The following NRXN1 variants were observed in gnomAD, a reference collection of about 807,000 sequenced individuals.
The protein encoded by NRXN1 is neurexin 1, also known as neurexin-1.
NRXN1 carries 39 observed loss-of-function variants against 150.9 expected under a neutral mutation model. That is an observed-to-expected ratio of 0.26 (90% CI 0.20 to 0.34). The LOEUF (loss-of-function observed/expected upper bound fraction) is 0.34. Ranked by LOEUF, NRXN1 falls within the 10% of genes least tolerant of loss-of-function variation. NRXN1 has a pLI of 1.00. For synonymous variants in NRXN1, 924 were observed against 757.0 expected (o/e 1.22, Z -3.62); for missense variants, 1,815 against 1,949.9 (o/e 0.93, Z 1.30).
chr2:50,673,435 C>T (rs562840034), intron 5 of NRXN1, among the ~76,000 whole-genome samples: 1 of 152,136 alleles, frequency 6.6e-6, no homozygotes, highest in South Asian at 2.1e-4. Flanking sequence ...ATTTAAATTG[C>T]TTAATTTTTT....
chr2:50,565,784 T>A (rs1669753609), intron 8 of NRXN1, among the ~76,000 whole-genome samples: 1 of 152,170 alleles, frequency 6.6e-6, no homozygotes, highest in Non-Finnish European at 1.5e-5. Flanking sequence ...CCATTTGCAG[T>A]CATCTCCTCC....
At chr2:50,198,908 C>T (rs913577380) in intron 18 of NRXN1, among the ~76,000 whole-genome samples, 30 of 152,154 alleles carry the variant, frequency 2.0e-4, no homozygotes, top group Non-Finnish European at 3.4e-4. Context: ...GAGGAAAGGC[C>T]TAATTTTGTC....
At chr2:50,212,015 A>T (rs1396273585) in intron 18 of NRXN1, among the ~76,000 whole-genome samples, 1 of 151,662 alleles carries the variant, frequency 6.6e-6, no homozygotes, top group Non-Finnish European at 1.5e-5. Context: ...GCTACACTAG[A>T]CAGAAAATTT....
intron 21 of NRXN1, among the ~76,000 whole-genome samples, chr2:50,020,411 A>G (rs1289265653): frequency 6.6e-6 from 1 of 152,202 alleles, no homozygotes; most frequent in Non-Finnish European, 1.5e-5. Flanking sequence ...AACATTCTTG[A>G]TATGAAAACT....
intron 2 of NRXN1, among the ~76,000 whole-genome samples, chr2:50,953,778 C>G (rs1691812651): frequency 6.6e-6 from 1 of 152,042 alleles, no homozygotes; most frequent in South Asian, 2.1e-4. Flanking sequence ...CCAGATTGGT[C>G]TTGAACTCCT....
chr2:50,985,228 G>A (rs1247739360), intron 2 of NRXN1: 1 of 151,872 alleles, frequency 6.6e-6, no homozygotes, highest in African/African-American at 2.4e-5. Flanking sequence ...CAACATCCAT[G>A]ATAGGTATTC....
At chr2:50,116,579 C>T (rs1703100616) in intron 18 of NRXN1, among the ~76,000 whole-genome samples, 1 of 152,050 alleles carries the variant, frequency 6.6e-6, no homozygotes, top group Non-Finnish European at 1.5e-5. Context: ...ACCAAAGTTG[C>T]TTTGCATATG....
intron 8 of NRXN1, among the ~76,000 whole-genome samples, chr2:50,590,247 C>T (rs1014693965): frequency 6.6e-6 from 1 of 152,048 alleles, no homozygotes; most frequent in Non-Finnish European, 1.5e-5. Context: ...ATTGTATTTA[C>T]TTTTTTAAAA....
intron 12 of NRXN1, among the ~76,000 whole-genome samples, chr2:50,510,681 A>T (rs2092420759): frequency 6.6e-6 from 1 of 152,140 alleles, no homozygotes; most frequent in Non-Finnish European, 1.5e-5. Context: ...TTTTATAGTT[A>T]AAGAAGCAGA....
intron 21 of NRXN1, among the ~76,000 whole-genome samples, chr2:49,962,856 G>C (rs1163904990): frequency 6.6e-6 from 1 of 152,074 alleles, no homozygotes; most frequent in African/African-American, 2.4e-5. Flanking sequence ...AGGAGCGTCA[G>C]GCAGGAGGAG....
At chr2:50,826,326 A>G (rs954427977) in intron 5 of NRXN1, among the ~76,000 whole-genome samples, 2 of 152,206 alleles carry the variant, frequency 1.3e-5, no homozygotes, top group African/African-American at 4.8e-5. Flanking sequence ...CCAACTAGGA[A>G]CAACTTAAAG....
At chr2:50,168,475 G>C (rs529355182) in intron 18 of NRXN1, among the ~76,000 whole-genome samples, 1 of 152,294 alleles carries the variant, frequency 6.6e-6, no homozygotes, top group African/African-American at 2.4e-5. Context: ...GTAGAGAGAA[G>C]AGTGGAAATT....
At chr2:50,989,814 C>A (rs1698279054) in intron 2 of NRXN1, among the ~76,000 whole-genome samples, 1 of 151,988 alleles carries the variant, frequency 6.6e-6, no homozygotes, top group African/African-American at 2.4e-5. Flanking sequence ...CTTACGTTTT[C>A]ACTTGTCTTT....
At chr2:50,556,276 A>C (rs1050917560) in intron 8 of NRXN1, among the ~76,000 whole-genome samples, 2 of 152,134 alleles carry the variant, frequency 1.3e-5, no homozygotes, top group Non-Finnish European at 2.9e-5. Flanking sequence ...AACTCCTCTA[A>C]AAATTCATGT....
At chr2:50,719,686 A>C (rs1696374826) in intron 5 of NRXN1, among the ~76,000 whole-genome samples, 1 of 152,214 alleles carries the variant, frequency 6.6e-6, no homozygotes, top group East Asian at 1.9e-4. Context: ...AAAAAAACAA[A>C]AACAACAACA....
intron 17 of NRXN1, among the ~76,000 whole-genome samples, chr2:50,352,773 TAATATTATA>T (rs1220957639): frequency 5.6e-5 from 6 of 107,572 alleles, no homozygotes; most frequent in African/African-American, 2.1e-4. Context: ...ATAATAATAA[TAATATTATA>T]ATAATAATAA....
intron 5 of NRXN1, among the ~76,000 whole-genome samples, chr2:50,900,731 G>A (rs915950428): frequency 4.1e-4 from 63 of 152,224 alleles, no homozygotes; most frequent in African/African-American, 1.5e-3. Flanking sequence ...TCTGAGCAAC[G>A]GCATTCCGTG....
At chr2:50,518,684 A>C (rs1365511343) in intron 12 of NRXN1, among the ~76,000 whole-genome samples, 2 of 151,926 alleles carry the variant, frequency 1.3e-5, no homozygotes, top group African/African-American at 2.4e-5. Flanking sequence ...TCCATGTCTA[A>C]ATACACCACT....
chr2:50,566,048 T>C (rs1004290750), intron 8 of NRXN1, among the ~76,000 whole-genome samples: 4 of 152,162 alleles, frequency 2.6e-5, no homozygotes, highest in Admixed American at 6.5e-5. Context: ...AGCACAGCGA[T>C]GCTGACCCGA....
Sources: gnomAD v4.1 joint callset for allele counts (sites outside exome capture counted in the v4.1 genomes callset) on GRCh38, gnomAD v4.1.1 for gene constraint, MANE v1.5 for transcripts, NCBI Gene and HGNC (gene_info 2026-07-23, HGNC 2026-07-21) for gene names.